GALNTL6: variants seen among roughly 807,000 people sequenced by gnomAD.
GALNTL6 encodes polypeptide N-acetylgalactosaminyltransferase-like 6.
In GALNTL6, 46 loss-of-function variants were observed where a neutral mutation model predicts 73.7. That is an observed-to-expected ratio of 0.62 (90% CI 0.49 to 0.80). GALNTL6 has a LOEUF of 0.80. GALNTL6 is among the 30% of genes least tolerant of loss of function. GALNTL6 has a pLI of 0.00. For synonymous variants in GALNTL6, 259 were observed against 263.7 expected, an observed-to-expected ratio of 0.98 and a Z score of 0.17; for missense variants, 604 against 755.0, an observed-to-expected ratio of 0.80 and a Z score of 2.34.
chr4:172,415,348 G>A (rs1057026095), intron 5 of GALNTL6, among the ~76,000 whole-genome samples: 1 of 152,092 alleles, frequency 6.6e-6, no homozygotes, highest in Non-Finnish European at 1.5e-5. Flanking sequence ...TTATCACACA[G>A]AAATTCATTT....
chr4:172,793,800 A>T (rs1188225821), intron 5 of GALNTL6, among the ~76,000 whole-genome samples: 1 of 152,200 alleles, frequency 6.6e-6, no homozygotes, highest in East Asian at 1.9e-4. Context: ...CATGTTTTAG[A>T]CATATGATTT....
At chr4:172,959,734 C>A (rs531611638) in intron 10 of GALNTL6, among the ~76,000 whole-genome samples, 1 of 152,094 alleles carries the variant, frequency 6.6e-6, no homozygotes, top group African/African-American at 2.4e-5. Flanking sequence ...TTGAACAGTC[C>A]GATTTTCAGT....
In GALNTL6 at chr4:173,003,137, G is replaced by A. The variant is rs570811871; in HGVS notation, c.1372-6041G>A. Among the ~76,000 whole-genome samples, 5 of 152,256 alleles carry A rather than the reference G, an allele frequency of 3.3e-5. No individual in the cohort carries two copies. The South Asian group carries it at 1.0e-3, about 32-fold the overall frequency. Reference sequence around the variant, plus strand: ...GTTAAAATAATAAACTTTACATTATGTATATTTTATCACAATTTTTTAAAA... The same window carrying A: ...GTTAAAATAATAAACTTTACATTATATATATTTTATCACAATTTTTTAAAA... On this transcript the variant is annotated intron_variant, in intron 10 of 12. Coordinates refer to ENST00000506823, the MANE Select transcript of GALNTL6 (RefSeq NM_001034845.3).
At chr4:172,159,341 G>A (rs748360595) in intron 2 of GALNTL6, among the ~76,000 whole-genome samples, 5 of 152,136 alleles carry the variant, frequency 3.3e-5, no homozygotes, top group African/African-American at 4.8e-5. Flanking sequence ...TTGAGGACAT[G>A]CAGATATGTA....
chr4:172,198,101 ACT>A (rs1206917808), intron 2 of GALNTL6, among the ~76,000 whole-genome samples: 4 of 152,110 alleles, frequency 2.6e-5, no homozygotes, highest in Non-Finnish European at 5.9e-5. Context: ...ACAGAGTGAG[ACT>A]CTGTCAAAAA....
chr4:172,005,940 C>T (rs1474053587), intron 2 of GALNTL6, among the ~76,000 whole-genome samples: 1 of 152,132 alleles, frequency 6.6e-6, no homozygotes, highest in Admixed American at 6.6e-5. Context: ...TTCTTTTTGT[C>T]ATAAGATGCA....
chr4:172,226,105 G>T (rs185314544), intron 2 of GALNTL6, among the ~76,000 whole-genome samples: 2 of 152,148 alleles, frequency 1.3e-5, no homozygotes, highest in Admixed American at 6.6e-5. Context: ...AGACTATGGT[G>T]GTAACCAGCA....
rs1463966999 is a variant in GALNTL6, at chr4:172,739,338, C to T, written c.554-70023C>T. Among the ~76,000 whole-genome samples, 8 of 152,262 alleles carry T rather than the reference C, an allele frequency of 5.3e-5. No homozygotes were observed. In the East Asian group the frequency reaches 1.5e-3, roughly 29 times the overall value. On this transcript the variant is annotated intron_variant, in intron 5 of 12. Transcript: ENST00000506823. ...TATGTTAGAACTCACTGTGAAACCT[C>T]AGGTCCTACTTCTTGTCATAAGGAC... is the stretch of plus-strand genomic sequence containing the variant.
At chr4:172,185,087 C>T (rs1437670190) in intron 2 of GALNTL6, among the ~76,000 whole-genome samples, 1 of 152,114 alleles carries the variant, frequency 6.6e-6, no homozygotes, top group African/African-American at 2.4e-5. Context: ...AAGAATCAAC[C>T]ATAGTTAGAA....
chr4:172,617,823 C>G (rs945463092), intron 5 of GALNTL6, among the ~76,000 whole-genome samples: 3 of 152,132 alleles, frequency 2.0e-5, no homozygotes, highest in Non-Finnish European at 4.4e-5. Flanking sequence ...GTGTAACCTT[C>G]AAAAGATAAA....
At chr4:172,529,863 T>TTTTATTTTATTTATTTATTTA (rs1554032972) in intron 5 of GALNTL6, among the ~76,000 whole-genome samples, 2 of 138,658 alleles carry the variant, frequency 1.4e-5, no homozygotes, top group African/African-American at 5.5e-5. Context: ...TTTATTTTTA[T>TTTTATTTTATTTATTTATTTA]TTTATTTATT....
At chr4:172,046,137 A>C (rs1268739794) in intron 2 of GALNTL6, among the ~76,000 whole-genome samples, 2 of 152,060 alleles carry the variant, frequency 1.3e-5, no homozygotes, top group Admixed American at 1.3e-4. Context: ...GTTGATTTCA[A>C]TCAATTGAAT....
At chr4:172,204,316 A>G (rs548181799) in intron 2 of GALNTL6, among the ~76,000 whole-genome samples, 15 of 152,332 alleles carry the variant, frequency 9.8e-5, no homozygotes, top group African/African-American at 3.6e-4. Context: ...TTTGCAGTGC[A>G]TTGTGACAGT....
At chr4:172,219,751 A>G (rs1028146077) in intron 2 of GALNTL6, among the ~76,000 whole-genome samples, 4 of 151,880 alleles carry the variant, frequency 2.6e-5, no homozygotes, top group Non-Finnish European at 5.9e-5. Context: ...ACATTTTATC[A>G]TTTGGTATTC....
chr4:171,827,831 T>C (rs1734865858), intron 2 of GALNTL6, among the ~76,000 whole-genome samples: 1 of 152,132 alleles, frequency 6.6e-6, no homozygotes, highest in Admixed American at 6.6e-5. Context: ...AACATAGGTT[T>C]GAACTGCATA....
At chr4:172,074,540 T>A (rs72986548) in intron 2 of GALNTL6, among the ~76,000 whole-genome samples, 4,475 of 137,758 alleles carry the variant, frequency 0.032, 139 homozygotes, top group African/African-American at 0.08. Flanking sequence ...GTCATATGCA[T>A]GCTTTACAAA....
At chr4:172,008,412 G>A (rs186310820) in intron 2 of GALNTL6, among the ~76,000 whole-genome samples, 6 of 151,956 alleles carry the variant, frequency 3.9e-5, no homozygotes, top group Non-Finnish European at 5.9e-5. Context: ...GTCTCCATCC[G>A]TGTTAAATCT....
At chr4:172,675,944 A>G (rs1732280412) in intron 5 of GALNTL6, among the ~76,000 whole-genome samples, 1 of 152,226 alleles carries the variant, frequency 6.6e-6, no homozygotes, top group African/African-American at 2.4e-5. Flanking sequence ...GGATTCCTTA[A>G]TAAGAGTTAA....
chr4:173,001,920 T>C (rs1186707126), intron 10 of GALNTL6, among the ~76,000 whole-genome samples: 1 of 152,202 alleles, frequency 6.6e-6, no homozygotes, highest in African/African-American at 2.4e-5. Flanking sequence ...CTTGTGGGAA[T>C]GTAAAATGGT....
Sources: gnomAD v4.1 joint callset for allele counts (sites outside exome capture counted in the v4.1 genomes callset) on GRCh38, gnomAD v4.1.1 for gene constraint, MANE v1.5 for transcripts, NCBI Gene and HGNC (gene_info 2026-07-23, HGNC 2026-07-21) for gene names.